Variants in DHX16 observed in about 807,000 individuals in gnomAD.
DHX16 encodes pre-mRNA-splicing factor ATP-dependent RNA helicase DHX16.
Under a neutral mutation model 131.2 loss-of-function variants are expected in DHX16, and 81 were observed. The ratio of observed to expected loss-of-function variants is 0.62; its 90% CI spans 0.52 to 0.74. The LOEUF (loss-of-function observed/expected upper bound fraction) is 0.74. Among genes scored for constraint, DHX16 ranks in the 30% least tolerant of loss-of-function variants. DHX16 has a pLI of 0.00. For synonymous variants in DHX16, 440 were observed against 520.2 expected, an observed-to-expected ratio of 0.85 and a Z score of 2.10; for missense variants, 980 against 1,363.1, an observed-to-expected ratio of 0.72 and a Z score of 4.43.
rs1479713494 is a variant in DHX16 at position 30,670,410 on chromosome 6, C to T, written c.666G>A (p.Met222Ile). The T allele has an allele frequency of 6.2e-7, 1 of 1,609,350 alleles. No homozygotes were observed. Among genetic ancestry groups the T allele is most frequent in the Non-Finnish European group, 8.5e-7 (1 of 1,177,976 alleles). ...LKMAEEDRKA[M>I]VPELRKKSRR... Reference sequence around the variant, plus strand: ...TGGCTCCCTAGGCCCTGGGACTCACCATGGCCTTCCGGTCTTCCTCGGCCA... The same window carrying T: ...TGGCTCCCTAGGCCCTGGGACTCACTATGGCCTTCCGGTCTTCCTCGGCCA... The change falls in exon 4 of 20, where the codon ATG (methionine) becomes ATA (isoleucine). Residue 222 changes from methionine (M) to isoleucine (I), a missense_variant and splice_region_variant. By Grantham distance (10) the Met-to-Ile change is conservative (BLOSUM62 1). Around this residue, in one of 3 missense-constraint regions of DHX16, gnomAD observed 457 missense variants for 554.8 expected, o/e 0.82. Coordinates refer to ENST00000376442, the MANE Select transcript of DHX16 (RefSeq NM_003587.5). The surrounding 1 kb of genome is among the most constrained non-coding windows in gnomAD (Gnocchi z 4.4).
intron 4 of DHX16, among the ~76,000 whole-genome samples, chr6:30,668,788 G>A (rs978108666): frequency 6.6e-6 from 1 of 152,128 alleles, no homozygotes; most frequent in Non-Finnish European, 1.5e-5. Flanking sequence ...AGAGACCTGG[G>A]AACCAGTAGG....
rs768833519 is a variant in DHX16 at position 30,656,992 on chromosome 6, C to T, written c.2108G>A (p.Arg703His). 35 of 1,612,800 alleles carry T rather than the reference C, an allele frequency of 2.2e-5. No individual in the cohort carries two copies. The highest frequency in any genetic ancestry group is 1.3e-4 in the East Asian group (6 of 44,890). The change falls in exon 13 of 20, where the codon CGC becomes CAC. Residue 703 changes from arginine (R) to histidine (H), a missense_variant. Physicochemically the swap from Arg to His is conservative, Grantham distance 29. Coordinates refer to ENST00000376442, the MANE Select transcript of DHX16 (RefSeq NM_003587.5). This position sits in a 1 kb window ranked among gnomAD's most constrained non-coding sequence, Gnocchi z 5.1. ...GFCKQKSYNP[R>H]TGMESLTVTP... The stretch of plus-strand genomic sequence containing the variant: ...GACAGTGAGCGATTCCATGCCTGTG[C>T]GGGGGTTGTAGCTCTTCTGCTTACA...
chr6:30,654,677 C>G, intron 19 of DHX16, 29 bp downstream of exon 19: 1 of 1,592,740 alleles, frequency 6.3e-7, no homozygotes, highest in Non-Finnish European at 8.6e-7. Flanking sequence ...ATAGTCTCCA[C>G]CTGCGTGGGC....
intron 10 of DHX16, 93 bp downstream of exon 10, chr6:30,659,939 C>T: frequency 6.4e-7 from 1 of 1,553,460 alleles, no homozygotes; most frequent in Admixed American, 1.7e-5. Flanking sequence ...CCCTTTGAAC[C>T]TTCCATTCCA....
Position 30,656,378 on chromosome 6 carries a change from T to TC in DHX16, c.2430+12dup, listed in dbSNP as rs760804827. The TC allele has an allele frequency of 3.7e-5, 59 of 1,612,790 alleles. No individual in the cohort carries two copies. Among genetic ancestry groups the TC allele is most frequent in the Non-Finnish European group, 5.0e-5 (59 of 1,179,330 alleles). ...TATCATCCTGCCTCCACCCATGCTGTCCCCCGACTCACCGTGGTGAGCTCC... is the reference window on the plus strand; with the variant it reads ...TATCATCCTGCCTCCACCCATGCTGTCCCCCCGACTCACCGTGGTGAGCTCC... On this transcript the variant is annotated intron_variant, in intron 15 of 19. Transcript: ENST00000376442. The surrounding 1 kb of genome is among the most constrained non-coding windows in gnomAD (Gnocchi z 5.1).
Position 30,656,758 on chromosome 6 carries a change from G to A in DHX16, c.2150C>T (p.Ala717Val). Residue 717 changes from alanine to valine, a missense_variant and splice_region_variant, in exon 14 of 20, where the codon GCC becomes GTC. Ala to Val is a moderately conservative substitution (Grantham distance 64). Coordinates refer to ENST00000376442, the MANE Select transcript of DHX16 (RefSeq NM_003587.5). This position sits in a 1 kb window ranked among gnomAD's most constrained non-coding sequence, Gnocchi z 5.1. ...ESLTVTPCSK[A>V]SANQRAGRAG... ...CCTGCCAGCTCGCTGATTGGCTGAG[G>A]CCTGGAAAGAAAGGGGAACAGGCTG... The A allele has an allele frequency of 1.9e-6, 3 of 1,612,030 alleles. No homozygotes were observed. Among genetic ancestry groups the A allele is most frequent in the Non-Finnish European group, 2.5e-6 (3 of 1,180,024 alleles).
chr6:30,671,282 T>C lies in DHX16; in HGVS notation c.208-8A>G. On this transcript the variant is annotated splice_polypyrimidine_tract_variant and splice_region_variant and intron_variant, in intron 1 of 19. Transcript: ENST00000376442. ...CACTGCCTTTCGTGGTACCTGTCAGTAGAGGGGAAGATAAGGAGGTCTGAG... is the reference window on the plus strand; with the variant it reads ...CACTGCCTTTCGTGGTACCTGTCAGCAGAGGGGAAGATAAGGAGGTCTGAG... The C allele has an allele frequency of 1.9e-6, 3 of 1,612,008 alleles. No individual in the cohort carries two copies. The East Asian group carries it at 6.7e-5, about 36-fold the overall frequency.
chr6:30,656,959 C>T lies in DHX16; in HGVS notation c.2141G>A (p.Cys714Tyr). The change falls in exon 13 of 20, where the codon TGC (cysteine) becomes TAC (tyrosine). Residue 714 changes from cysteine (C) to tyrosine (Y), a missense_variant. By Grantham distance (194) the Cys-to-Tyr change is radical. Coordinates refer to ENST00000376442, the MANE Select transcript of DHX16 (RefSeq NM_003587.5). The surrounding 1 kb of genome is among the most constrained non-coding windows in gnomAD (Gnocchi z 5.1). The part of the protein sequence containing the change: ...TGMESLTVTP[C>Y]SKASANQRAG... ...ATGCATCCCCAGGCTGACCTTGCTG[C>T]AGGGTGTGACAGTGAGCGATTCCAT... The T allele has an allele frequency of 1.2e-6, 2 of 1,611,978 alleles. No individual in the cohort carries two copies.
chr6:30,658,221 A>G (rs543854181), intron 12 of DHX16, among the ~76,000 whole-genome samples: 6 of 152,278 alleles, frequency 3.9e-5, no homozygotes, highest in South Asian at 4.1e-4. Context: ...CCTGGCCAAC[A>G]TGGCGAAACC....
chr6:30,655,643 G>C (rs770792084), intron 16 of DHX16, 46 bp from the exon 17 acceptor site: 2 of 1,602,966 alleles, frequency 1.2e-6, no homozygotes, highest in Admixed American at 1.7e-5. Context: ...AGACACATAG[G>C]AACAGATATG....
chr6:30,664,646 G>A (rs1273015228), intron 7 of DHX16, among the ~76,000 whole-genome samples, 155 bp downstream of exon 7: 2 of 152,178 alleles, frequency 1.3e-5, no homozygotes, highest in African/African-American at 4.8e-5. Flanking sequence ...GAACAGAAAT[G>A]TGAAAAGGGT....
In DHX16 at chr6:30,670,298, A is replaced by ACCC; in HGVS notation, c.666+109_666+111dup. On this transcript the variant is annotated intron_variant, in intron 4 of 19. Coordinates refer to ENST00000376442, the MANE Select transcript of DHX16 (RefSeq NM_003587.5). This position sits in a 1 kb window ranked among gnomAD's most constrained non-coding sequence, Gnocchi z 4.4. ...AAGCCCCTCTTCTAGAAACCTGACC[A>ACCC]CCCCATCAGCATCCACACTGTGCTT... The ACCC allele has an allele frequency of 9.3e-7, 1 of 1,070,700 alleles. No individual in the cohort carries two copies. The highest frequency in any genetic ancestry group is 1.3e-6 in the Non-Finnish European group (1 of 756,992). The allele number at this position is 1,070,700 out of a possible 1,614,324, so 66.3% of individuals were successfully genotyped here. A position where few individuals can be genotyped will look rare whatever the true frequency, so the allele number is the denominator to read the frequency against.
chr6:30,661,939 GA>G (rs1768557991), intron 9 of DHX16: 1 of 710,416 alleles, frequency 1.4e-6, no homozygotes, highest in East Asian at 2.7e-5. Flanking sequence ...TCCAAGACCA[GA>G]AATTCACAGC....
chr6:30,664,232 C>T (rs989905826), intron 7 of DHX16, among the ~76,000 whole-genome samples: 1 of 151,790 alleles, frequency 6.6e-6, no homozygotes, highest in African/African-American at 2.4e-5. Context: ...ACCTGTAATC[C>T]CAGCACTTTG....
intron 4 of DHX16, among the ~76,000 whole-genome samples, chr6:30,668,250 A>C (rs1473893643): frequency 1.3e-5 from 2 of 152,186 alleles, no homozygotes; most frequent in Non-Finnish European, 2.9e-5. Context: ...TACAATGCAA[A>C]TACTACCCAT....
chr6:30,662,758 A>C lies in DHX16; in HGVS notation c.1429-16T>G. The C allele has an allele frequency of 6.2e-7, 1 of 1,610,190 alleles. No individual in the cohort carries two copies. The highest frequency in any genetic ancestry group is 1.7e-5 in the Admixed American group (1 of 59,970). ...TGTAGCCAACCTGGTCAAGGGAACC[A>C]TTAGCAACCAAGTGTGGGCTGGTGT... is the stretch of plus-strand genomic sequence containing the variant. On this transcript the variant is annotated splice_polypyrimidine_tract_variant and intron_variant, in intron 8 of 19. Coordinates refer to ENST00000376442, the MANE Select transcript of DHX16 (RefSeq NM_003587.5). The surrounding 1 kb of genome is among the most constrained non-coding windows in gnomAD (Gnocchi z 4.7).
chr6:30,671,471 C>T (rs1434744169), intron 1 of DHX16, among the ~76,000 whole-genome samples, 197 bp from the exon 2 acceptor site: 1 of 152,170 alleles, frequency 6.6e-6, no homozygotes, highest in African/African-American at 2.4e-5. Context: ...CCTCAGCCTC[C>T]CAAGTAGCTG....
chr6:30,655,072 G>C, intron 18 of DHX16, 103 bp downstream of exon 18: 1 of 1,503,786 alleles, frequency 6.6e-7, no homozygotes, highest in Non-Finnish European at 9.1e-7. Context: ...ACAAGGGGAA[G>C]AGGGCATGCT....
intron 18 of DHX16, 114 bp downstream of exon 18, chr6:30,655,061 C>G: frequency 6.8e-7 from 1 of 1,480,284 alleles, no homozygotes; most frequent in South Asian, 1.2e-5. Flanking sequence ...ACACGTCATA[C>G]ACAAGGGGAA....
Sources: gnomAD v4.1 joint callset for allele counts (sites outside exome capture counted in the v4.1 genomes callset) on GRCh38, gnomAD v4.1.1 for gene constraint, gnomAD v4.1.1 regional missense constraint, Gnocchi (gnomAD v3.1) non-coding constraint, MANE v1.5 for transcripts, NCBI Gene and HGNC (gene_info 2026-07-23, HGNC 2026-07-21) for gene names.